ST3GAL4: variants seen among roughly 807,000 people sequenced by gnomAD.
ST3GAL4 encodes CMP-N-acetylneuraminate-beta-galactosamide-alpha-2,3-sialyltransferase 4.
ST3GAL4 carries 24 observed loss-of-function variants against 42.6 expected under a neutral mutation model. The observed-to-expected ratio is 0.56, with a 90% CI of 0.41 to 0.79. The LOEUF is 0.79. Among genes scored for constraint, ST3GAL4 ranks in the 30% least tolerant of loss-of-function variants. The pLI, the probability that ST3GAL4 is intolerant of heterozygous loss-of-function variation, is 0.00. For synonymous variants in ST3GAL4, 135 were observed against 163.2 expected (o/e 0.83, Z 1.32); for missense variants, 311 against 430.8 (o/e 0.72, Z 2.46).
chr11:126,383,394 G>T lies in ST3GAL4; in HGVS notation c.-60-22702G>T, dbSNP rs1953082177. Among the ~76,000 whole-genome samples, 1 of 152,218 alleles carries T rather than the reference G, an allele frequency of 6.6e-6. No homozygotes were observed. The highest frequency in any genetic ancestry group is 2.1e-4 in the South Asian group (1 of 4,834). On this transcript the variant is annotated intron_variant, in intron 1 of 10. Transcript: ENST00000444328. The surrounding 1 kb of genome is among the most constrained non-coding windows in gnomAD (Gnocchi z 4.5). Reference sequence around the variant, plus strand: ...AGAGTCTCCAGGAGCCAGAGCTGGGGTGGGAGGAACCCACTGGGCCTGAGG... The same window carrying T: ...AGAGTCTCCAGGAGCCAGAGCTGGGTTGGGAGGAACCCACTGGGCCTGAGG...
intron 6 of ST3GAL4, among the ~76,000 whole-genome samples, 170 bp from the exon 7 acceptor site, chr11:126,407,929 C>G (rs1335255817): frequency 6.6e-6 from 1 of 152,144 alleles, no homozygotes; most frequent in Non-Finnish European, 1.5e-5. Context: ...AAGCCCAGGG[C>G]TGTAAAGTCA....
chr11:126,380,400 C>T (rs955549525), intron 1 of ST3GAL4, among the ~76,000 whole-genome samples: 1 of 152,114 alleles, frequency 6.6e-6, no homozygotes, highest in Non-Finnish European at 1.5e-5. Flanking sequence ...TATTGAGTCA[C>T]ATCAGAGCCA....
intron 1 of ST3GAL4, among the ~76,000 whole-genome samples, chr11:126,362,299 G>T (rs1484011348): frequency 6.7e-6 from 1 of 149,550 alleles, no homozygotes; most frequent in Admixed American, 6.7e-5. Context: ...CCGGGTTCAA[G>T]CGAGATTCTC....
Position 126,406,772 on chromosome 11 carries a change from G to A in ST3GAL4, c.102-171G>A. 1.1e-6 allele frequency: 1 copy of A among 921,068 alleles called. No homozygotes were observed. Among genetic ancestry groups the A allele is most frequent in the Non-Finnish European group, 1.6e-6 (1 of 608,194 alleles). The allele number at this position is 921,068 out of a possible 1,614,324, so 57.1% of individuals were successfully genotyped here. ...GGGCCCTCACCCAGGGAGTGCAGGG[G>A]CAGGAAGACCTGGATCCTCAAGGAC... On this transcript the variant is annotated intron_variant, in intron 3 of 10. Transcript: ENST00000444328. This position sits in a 1 kb window ranked among gnomAD's most constrained non-coding sequence, Gnocchi z 5.4.
chr11:126,373,614 A>G lies in ST3GAL4; in HGVS notation c.-61+17772A>G, dbSNP rs1408202384. On this transcript the variant is annotated intron_variant, in intron 1 of 10. Transcript: ENST00000444328. The surrounding 1 kb of genome is among the most constrained non-coding windows in gnomAD (Gnocchi z 5.5). ...GTGCCAGGCTGCAGGGGCGGACGGGAGGGGGTCGTGGTGGGTAGCCTGTGG... is the reference window on the plus strand; with the variant it reads ...GTGCCAGGCTGCAGGGGCGGACGGGGGGGGGTCGTGGTGGGTAGCCTGTGG... Among the ~76,000 whole-genome samples, 1 of 151,520 alleles carries G rather than the reference A, an allele frequency of 6.6e-6. No homozygotes were observed. The highest frequency in any genetic ancestry group is 1.5e-5 in the Non-Finnish European group (1 of 67,908).
At chr11:126,403,129 A>G (rs1266281645) in intron 1 of ST3GAL4, 1 of 153,316 alleles carries the variant, frequency 6.5e-6, no homozygotes, top group African/African-American at 2.4e-5. Flanking sequence ...GGGGCCACTG[A>G]GCAATCCTCA....
Position 126,413,614 on chromosome 11 carries a change from A to G in ST3GAL4, c.881A>G (p.His294Arg). ...PDAYNKKQTI[H>R]YYEQITLKSM... is the part of the protein sequence containing the mutation. ...GCCTACAACAAGAAGCAGACCATTCACTACTATGAGCAGATCACGCTCAAG... is the reference window on the plus strand; with the variant it reads ...GCCTACAACAAGAAGCAGACCATTCGCTACTATGAGCAGATCACGCTCAAG... The change falls in exon 10 of 11, where the codon CAC becomes CGC. Residue 294 changes from histidine (H) to arginine (R), a missense_variant. Coordinates refer to ENST00000444328, the MANE Select transcript of ST3GAL4 (RefSeq NM_001254757.2). 6.2e-7 allele frequency: 1 copy of G among 1,614,182 alleles called. No individual in the cohort carries two copies. The highest frequency in any genetic ancestry group is 8.5e-7 in the Non-Finnish European group (1 of 1,180,030).
chr11:126,368,998 C>T (rs1030782003), intron 1 of ST3GAL4, among the ~76,000 whole-genome samples: 4 of 152,168 alleles, frequency 2.6e-5, no homozygotes, highest in Non-Finnish European at 5.9e-5. Context: ...GGAGCCCAGC[C>T]TCACTTGCCA....
At chr11:126,404,420 G>A (rs1485345743) in intron 1 of ST3GAL4, among the ~76,000 whole-genome samples, 1 of 152,198 alleles carries the variant, frequency 6.6e-6, no homozygotes, top group African/African-American at 2.4e-5. Flanking sequence ...TGTGGGACTA[G>A]AGCTGCGAAC....
chr11:126,407,845 T>C (rs1160951674), intron 6 of ST3GAL4, among the ~76,000 whole-genome samples: 2 of 152,052 alleles, frequency 1.3e-5, no homozygotes, highest in Non-Finnish European at 2.9e-5. Flanking sequence ...GCGTTTCTCA[T>C]TGATACACCC....
intron 1 of ST3GAL4, among the ~76,000 whole-genome samples, chr11:126,389,485 A>G (rs940223364): frequency 3.3e-5 from 5 of 152,228 alleles, no homozygotes; most frequent in Admixed American, 3.3e-4. Context: ...ACACACAAGC[A>G]CACACTGTTT....
At chr11:126,382,647 T>C (rs1175045601) in intron 1 of ST3GAL4, among the ~76,000 whole-genome samples, 1 of 152,168 alleles carries the variant, frequency 6.6e-6, no homozygotes, top group East Asian at 1.9e-4. Flanking sequence ...GCATGACCCC[T>C]GGCATCGCCT....
At chr11:126,395,123 G>A (rs1336536792) in intron 1 of ST3GAL4, among the ~76,000 whole-genome samples, 1 of 152,206 alleles carries the variant, frequency 6.6e-6, no homozygotes, top group African/African-American at 2.4e-5. Context: ...ACAGGGGCCA[G>A]AAGATATCTG....
intron 1 of ST3GAL4, 178 bp downstream of exon 1, chr11:126,356,020 G>A (rs1156683411): frequency 6.6e-6 from 1 of 152,202 alleles, no homozygotes; most frequent in Admixed American, 6.5e-5. Flanking sequence ...CTGCTTTCCG[G>A]GGTCCCTTTC....
intron 1 of ST3GAL4, among the ~76,000 whole-genome samples, chr11:126,374,621 TG>T (rs1952767785): frequency 1.3e-5 from 2 of 151,852 alleles, no homozygotes; most frequent in Non-Finnish European, 2.9e-5. Flanking sequence ...GGCTGGTGCG[TG>T]GGGCAGCCTC....
chr11:126,372,956 T>A (rs1407347375), intron 1 of ST3GAL4, among the ~76,000 whole-genome samples: 1 of 152,188 alleles, frequency 6.6e-6, no homozygotes, highest in East Asian at 1.9e-4. Flanking sequence ...CGAAGCACAG[T>A]TGTGGGATCC....
chr11:126,407,650 G>T lies in ST3GAL4; in HGVS notation c.341+16G>T, dbSNP rs554887290. Reference sequence around the variant, plus strand: ...ACATCCAGAGGTAAGGCGGCACTCCGACTCCAGTCTGGGCACCTTCTCCTA... The same window carrying T: ...ACATCCAGAGGTAAGGCGGCACTCCTACTCCAGTCTGGGCACCTTCTCCTA... On this transcript the variant is annotated intron_variant, in intron 6 of 10. Coordinates refer to ENST00000444328, the MANE Select transcript of ST3GAL4 (RefSeq NM_001254757.2). 28 of 1,613,436 alleles carry T rather than the reference G, an allele frequency of 1.7e-5. No homozygotes were observed. The highest frequency in any genetic ancestry group is 2.4e-5 in the Non-Finnish European group (28 of 1,179,852).
intron 1 of ST3GAL4, among the ~76,000 whole-genome samples, chr11:126,381,643 A>C (rs1404736257): frequency 1.4e-5 from 2 of 145,038 alleles, no homozygotes; most frequent in South Asian, 4.5e-4. Flanking sequence ...GAGTCCAGCC[A>C]CCGACTTCTG....
rs552001830 is a variant in ST3GAL4, at chr11:126,358,870, C to A, written c.-61+3028C>A. Reference sequence around the variant, plus strand: ...TGAAGCCCTGGGTGCCACTGCTGGCCCAGCAGGGAGGAGGTTGCTGCTGCT... The same window carrying A: ...TGAAGCCCTGGGTGCCACTGCTGGCACAGCAGGGAGGAGGTTGCTGCTGCT... On this transcript the variant is annotated intron_variant, in intron 1 of 10. Transcript: ENST00000444328. Among the ~76,000 whole-genome samples, 13 of 152,304 alleles carry A rather than the reference C, an allele frequency of 8.5e-5. 1 individual carries two copies. Among genetic ancestry groups the A allele is most frequent in the Admixed American group, 3.9e-4 (6 of 15,308 alleles).
Sources: gnomAD v4.1 joint callset for allele counts (sites outside exome capture counted in the v4.1 genomes callset) on GRCh38, gnomAD v4.1.1 for gene constraint, Gnocchi (gnomAD v3.1) non-coding constraint, MANE v1.5 for transcripts, NCBI Gene and HGNC (gene_info 2026-07-23, HGNC 2026-07-21) for gene names.